The following KCNAB1 variants were observed in gnomAD, a reference collection of about 807,000 sequenced individuals.
KCNAB1 encodes the protein potassium voltage-gated channel subfamily A regulatory beta subunit 1.
Under a neutral mutation model 64.6 loss-of-function variants are expected in KCNAB1, and 35 were observed. The observed-to-expected ratio is 0.54, with a 90% CI of 0.41 to 0.72. The LOEUF (loss-of-function observed/expected upper bound fraction) is 0.72. KCNAB1 is among the 30% of genes least tolerant of loss of function. The probability of loss-of-function intolerance (pLI) is 0.00; values close to 1 mark genes in which losing one functional copy is unlikely to be tolerated. For missense variants in KCNAB1, 401 were observed against 512.9 expected, an observed-to-expected ratio of 0.78 and a Z score of 2.11; for synonymous variants, 177 against 183.8, an observed-to-expected ratio of 0.96 and a Z score of 0.30.
chr3:156,438,198 CT>C (rs2108255388), intron 2 of KCNAB1, among the ~76,000 whole-genome samples: 1 of 152,320 alleles, frequency 6.6e-6, no homozygotes, highest in East Asian at 1.9e-4. Context: ...ACCTAAGTTA[CT>C]TGCTCATCCA....
At chr3:156,166,077 A>G (rs1711546741) in intron 1 of KCNAB1, among the ~76,000 whole-genome samples, 1 of 152,220 alleles carries the variant, frequency 6.6e-6, no homozygotes, top group African/African-American at 2.4e-5. Context: ...TTCAGCGAAC[A>G]TTTGTATATT....
chr3:156,238,121 G>A (rs1031473202), intron 1 of KCNAB1, among the ~76,000 whole-genome samples: 3 of 152,110 alleles, frequency 2.0e-5, no homozygotes, highest in Non-Finnish European at 4.4e-5. Context: ...GACAAAGCAG[G>A]ATGTTTAAAA....
At chr3:156,235,993 T>C (rs1258664597) in intron 1 of KCNAB1, among the ~76,000 whole-genome samples, 1 of 152,168 alleles carries the variant, frequency 6.6e-6, no homozygotes, top group African/African-American at 2.4e-5. Context: ...CTAAACCACC[T>C]ACTGGAGATG....
At chr3:156,387,242 T>C (rs760890691) in intron 1 of KCNAB1, among the ~76,000 whole-genome samples, 11 of 151,850 alleles carry the variant, frequency 7.2e-5, no homozygotes, top group African/African-American at 7.3e-5. Context: ...AATGACCACC[T>C]TTGTGCTGTA....
intron 1 of KCNAB1, among the ~76,000 whole-genome samples, chr3:156,199,382 G>A (rs867045190): frequency 5.9e-5 from 9 of 152,160 alleles, no homozygotes; most frequent in Non-Finnish European, 1.2e-4. Context: ...GGCTGGAGAA[G>A]TTCTCCTGCA....
chr3:156,263,259 G>T (rs1718528271), intron 1 of KCNAB1, among the ~76,000 whole-genome samples: 1 of 151,878 alleles, frequency 6.6e-6, no homozygotes, highest in South Asian at 2.1e-4. Flanking sequence ...TCTGATATAG[G>T]TGTTTAAAGC....
intron 1 of KCNAB1, among the ~76,000 whole-genome samples, chr3:156,141,073 A>T (rs1328581866): frequency 6.6e-6 from 1 of 150,492 alleles, no homozygotes; most frequent in Non-Finnish European, 1.5e-5. Context: ...TTTTTTTTTT[A>T]AACTTTCTAT....
intron 1 of KCNAB1, chr3:156,291,087 C>CCTTT: frequency 3.0e-6 from 3 of 985,486 alleles, no homozygotes; most frequent in Non-Finnish European, 3.6e-6. Context: ...GGGCAGAGCC[C>CCTTT]CTTTTTATGG....
chr3:156,410,616 T>A (rs1344336264), intron 1 of KCNAB1, among the ~76,000 whole-genome samples: 1 of 152,194 alleles, frequency 6.6e-6, no homozygotes, highest in Non-Finnish European at 1.5e-5. Flanking sequence ...TCCCTCATAC[T>A]GCCACTTTGT....
intron 1 of KCNAB1, among the ~76,000 whole-genome samples, chr3:156,145,150 A>G (rs1441566684): frequency 6.6e-6 from 1 of 152,174 alleles, no homozygotes; most frequent in Non-Finnish European, 1.5e-5. Context: ...ACTGCCTTGG[A>G]CAAGGGTGTA....
chr3:156,132,693 G>C (rs1464183348), intron 1 of KCNAB1, among the ~76,000 whole-genome samples: 2 of 152,214 alleles, frequency 1.3e-5, no homozygotes, highest in African/African-American at 4.8e-5. Context: ...AATAGATAAG[G>C]TGTGTGTTTT....
intron 1 of KCNAB1, among the ~76,000 whole-genome samples, chr3:156,200,721 A>C (rs557771336): frequency 1.5e-4 from 23 of 152,308 alleles, no homozygotes; most frequent in East Asian, 7.7e-4. Flanking sequence ...GAGAATTTCA[A>C]GCCAGTTGTC....
At chr3:156,192,679 T>C (rs1467405652) in intron 1 of KCNAB1, among the ~76,000 whole-genome samples, 2 of 152,192 alleles carry the variant, frequency 1.3e-5, no homozygotes, top group African/African-American at 4.8e-5. Context: ...ATTAAGTACA[T>C]GAATATTTAG....
chr3:156,144,878 G>C (rs1248557780), intron 1 of KCNAB1, among the ~76,000 whole-genome samples: 1 of 152,186 alleles, frequency 6.6e-6, no homozygotes, highest in Non-Finnish European at 1.5e-5. Context: ...GATCTGTGCT[G>C]TGTGCCAATG....
intron 4 of KCNAB1, among the ~76,000 whole-genome samples, chr3:156,458,396 C>A (rs1712621715): frequency 6.6e-6 from 1 of 152,190 alleles, no homozygotes; most frequent in South Asian, 2.1e-4. Context: ...AAATAGCTGC[C>A]CAGCTGTTTG....
chr3:156,390,568 C>T lies in KCNAB1; in HGVS notation c.276-31048C>T, dbSNP rs1015573524. Among the ~76,000 whole-genome samples the T allele has an allele frequency of 2.7e-4, 41 of 151,612 alleles. No individual in the cohort carries two copies. In the South Asian group the frequency reaches 4.6e-3, roughly 17 times the overall value. On this transcript the variant is annotated intron_variant, in intron 1 of 13. Coordinates refer to ENST00000490337, the MANE Select transcript of KCNAB1 (RefSeq NM_172160.3). ...TCCTTCCTTCCCTCCCTCCCTCTCT[C>T]CTTCCTTCCTTCCTCTCTCTTTCTT...
intron 12 of KCNAB1, among the ~76,000 whole-genome samples, chr3:156,530,287 G>A (rs950807184): frequency 2.0e-5 from 3 of 152,278 alleles, no homozygotes; most frequent in South Asian, 2.1e-4. Flanking sequence ...GACAGAAACC[G>A]CACACATCCT....
intron 1 of KCNAB1, among the ~76,000 whole-genome samples, chr3:156,150,952 C>T (rs1229638234): frequency 1.3e-5 from 2 of 152,122 alleles, no homozygotes; most frequent in Non-Finnish European, 2.9e-5. Context: ...AGTTTTCTAG[C>T]GTAGGGGGTT....
At chr3:156,247,630 A>G (rs761580711) in intron 1 of KCNAB1, among the ~76,000 whole-genome samples, 21 of 152,070 alleles carry the variant, frequency 1.4e-4, no homozygotes, top group Admixed American at 1.3e-3. Context: ...TGGCATGATC[A>G]TGGCTCATTG....
Sources: allele counts gnomAD v4.1 joint callset (sites outside exome capture counted in the v4.1 genomes callset), GRCh38; gene constraint gnomAD v4.1.1; transcripts MANE v1.5; gene names NCBI Gene and HGNC (gene_info 2026-07-23, HGNC 2026-07-21).